The following TRPM3 variants were observed in gnomAD, a reference collection of about 807,000 sequenced individuals.
The protein encoded by TRPM3 is transient receptor potential cation channel subfamily M member 3, also known as long transient receptor potential channel 3.
Under a neutral mutation model 181.2 loss-of-function variants are expected in TRPM3, and 77 were observed. The ratio of observed to expected loss-of-function variants is 0.42; its 90% CI spans 0.35 to 0.51. The LOEUF is 0.51. TRPM3 is among the 20% of genes least tolerant of loss of function. The pLI, the probability that TRPM3 is intolerant of heterozygous loss-of-function variation, is 0.01. For missense variants in TRPM3, 1,759 were observed against 2,196.7 expected (o/e 0.80, Z 3.98); for synonymous variants, 745 against 796.4 (o/e 0.94, Z 1.09).
At chr9:71,225,781 C>CT (rs1437392046) in intron 1 of TRPM3, among the ~76,000 whole-genome samples, 1 of 151,872 alleles carries the variant, frequency 6.6e-6, no homozygotes, top group Non-Finnish European at 1.5e-5. Context: ...CTCAGCCTCC[C>CT]TAGTAGCTGG....
At chr9:71,186,114 G>C (rs1157825386) in intron 1 of TRPM3, among the ~76,000 whole-genome samples, 1 of 151,968 alleles carries the variant, frequency 6.6e-6, no homozygotes, top group Non-Finnish European at 1.5e-5. Context: ...CATTCACCTT[G>C]TGCCTCTCAA....
chr9:71,233,764 A>G (rs892085466), intron 1 of TRPM3, among the ~76,000 whole-genome samples: 1 of 152,212 alleles, frequency 6.6e-6, no homozygotes, highest in Non-Finnish European at 1.5e-5. Context: ...CAAAGCCCCA[A>G]TAGCCAAAAA....
At chr9:70,952,911 AT>A (rs1322928019) in intron 1 of TRPM3, among the ~76,000 whole-genome samples, 1 of 152,250 alleles carries the variant, frequency 6.6e-6, no homozygotes, top group Non-Finnish European at 1.5e-5. Context: ...ATCAAAAAAA[AT>A]GATAAAGCAT....
intron 1 of TRPM3, among the ~76,000 whole-genome samples, chr9:70,974,462 C>T (rs1044693781): frequency 2.6e-5 from 4 of 152,058 alleles, no homozygotes; most frequent in Non-Finnish European, 2.9e-5. Context: ...TGGTGTGAAC[C>T]CGGGAGGCGG....
At chr9:71,001,741 C>G (rs930495539) in intron 1 of TRPM3, among the ~76,000 whole-genome samples, 1 of 152,236 alleles carries the variant, frequency 6.6e-6, no homozygotes, top group African/African-American at 2.4e-5. Flanking sequence ...TGTGTCCAAA[C>G]AGCTGTTTGA....
rs117167074 is a variant in TRPM3, at chr9:70,640,471, C to T, written c.1446+89G>A. The T allele has an allele frequency of 9.6e-4, 941 of 978,338 alleles. 6 individuals are homozygous for T. In the East Asian group the frequency reaches 0.013, roughly 14 times the overall value. The allele number at this position is 978,338 out of a possible 1,614,324, so 60.6% of individuals were successfully genotyped here. ...CATTCCATCTTAAAGAAAAAGCAAT[C>T]GTTTTCTGAGCTGACCTCAGAGGCT... is the stretch of plus-strand genomic sequence containing the variant. On this transcript the variant is annotated intron_variant, in intron 10 of 25. Transcript: ENST00000677713.
At chr9:71,308,249 A>G (rs1279290318) in intron 1 of TRPM3, among the ~76,000 whole-genome samples, 1 of 152,138 alleles carries the variant, frequency 6.6e-6, no homozygotes, top group Non-Finnish European at 1.5e-5. Flanking sequence ...ATTCAATACA[A>G]AAGTATTTGA....
intron 1 of TRPM3, among the ~76,000 whole-genome samples, chr9:71,089,018 A>G (rs1261432537): frequency 1.3e-5 from 2 of 150,100 alleles, no homozygotes; most frequent in Admixed American, 6.7e-5. Context: ...TCATGGTGCT[A>G]TATTAGCTGC....
chr9:71,227,148 G>A (rs1020135643), intron 1 of TRPM3, among the ~76,000 whole-genome samples: 33 of 138,724 alleles, frequency 2.4e-4, no homozygotes, highest in Non-Finnish European at 4.1e-4. Context: ...AATATATCAA[G>A]TAACTTCTCT....
intron 3 of TRPM3, among the ~76,000 whole-genome samples, chr9:70,858,112 A>C (rs2095432417): frequency 1.3e-5 from 2 of 152,130 alleles, no homozygotes; most frequent in South Asian, 2.1e-4. Flanking sequence ...TTATGTCCAG[A>C]CCACACTGGC....
intron 1 of TRPM3, among the ~76,000 whole-genome samples, chr9:71,069,177 G>T (rs2062352864): frequency 6.6e-6 from 1 of 152,164 alleles, no homozygotes; most frequent in Admixed American, 6.5e-5. Context: ...AAACAAAGTG[G>T]GCAGCAGTAT....
chr9:70,761,806 A>G, intron 7 of TRPM3, 82 bp from the exon 8 acceptor site: 1 of 1,489,398 alleles, frequency 6.7e-7, no homozygotes, highest in Non-Finnish European at 9.0e-7. Context: ...GCTCAAGAGG[A>G]AATAATGAGG....
chr9:70,537,126 A>G lies in TRPM3; in HGVS notation c.3987T>C (p.Pro1329=), dbSNP rs371610217. The G allele has an allele frequency of 6.2e-7, 1 of 1,607,374 alleles. No homozygotes were observed. Among genetic ancestry groups the G allele is most frequent in the African/African-American group, 1.3e-5 (1 of 74,772 alleles). Residue 1329 remains proline, a synonymous_variant, in exon 26 of 26, where the codon CCT becomes CCC. Coordinates refer to ENST00000677713, the MANE Select transcript of TRPM3 (RefSeq NM_001366145.2). ...TTGGGGACATGGTCTCCTCACCTGC[A>G]GGGTCTATACTCTCTTGGAGCTTGA... The part of the protein sequence containing the change: ...NTFKLQESID[P]AGEETMSPTS...
intron 1 of TRPM3, among the ~76,000 whole-genome samples, chr9:71,270,715 G>T (rs2083725625): frequency 6.6e-6 from 1 of 152,166 alleles, no homozygotes; most frequent in African/African-American, 2.4e-5. Context: ...CCTCCCACAT[G>T]GCATCAGCAT....
chr9:70,740,905 C>T (rs1274783198), intron 8 of TRPM3, among the ~76,000 whole-genome samples: 1 of 152,168 alleles, frequency 6.6e-6, no homozygotes, highest in African/African-American at 2.4e-5. Context: ...TTGGCTCAGG[C>T]AAAGACTTCA....
intron 8 of TRPM3, among the ~76,000 whole-genome samples, chr9:70,758,587 G>C (rs1375499907): frequency 6.6e-6 from 1 of 151,958 alleles, no homozygotes; most frequent in African/African-American, 2.4e-5. Flanking sequence ...ACTATACTGG[G>C]AGGCTACAGT....
intron 7 of TRPM3, among the ~76,000 whole-genome samples, chr9:70,763,307 C>T (rs541129516): frequency 1.1e-4 from 17 of 152,152 alleles, no homozygotes; most frequent in South Asian, 8.3e-4. Flanking sequence ...CCCAGGAGTT[C>T]GAGATCAGCC....
intron 1 of TRPM3, among the ~76,000 whole-genome samples, chr9:71,404,302 T>A (rs1236504473): frequency 6.6e-6 from 1 of 152,216 alleles, no homozygotes; most frequent in Non-Finnish European, 1.5e-5. Flanking sequence ...TAATTGCTTG[T>A]TACATTAATA....
intron 19 of TRPM3, among the ~76,000 whole-genome samples, chr9:70,607,089 C>T (rs1338563507): frequency 6.6e-6 from 1 of 152,128 alleles, no homozygotes; most frequent in Admixed American, 6.5e-5. Context: ...TCAAAACAAG[C>T]AGGGTCTAGG....
Sources: gnomAD v4.1 joint callset for allele counts (sites outside exome capture counted in the v4.1 genomes callset) on GRCh38, gnomAD v4.1.1 for gene constraint, MANE v1.5 for transcripts, NCBI Gene and HGNC (gene_info 2026-07-23, HGNC 2026-07-21) for gene names.